Variants in UPF2 observed in about 807,000 individuals in gnomAD.
UPF2 encodes UPF2 regulator of nonsense mediated mRNA decay, also known as regulator of nonsense transcripts 2.
A neutral mutation model predicts 141.4 loss-of-function variants in UPF2; 17 were observed. The ratio of observed to expected loss-of-function variants is 0.12; its 90% CI spans 0.08 to 0.18. The LOEUF (loss-of-function observed/expected upper bound fraction) is 0.18, where lower values mean the gene tolerates loss of function less well. UPF2 is among the 10% of genes least tolerant of loss of function. The pLI is 1.00. For missense variants in UPF2, 1,152 were observed against 1,515.9 expected, an observed-to-expected ratio of 0.76 and a Z score of 3.99; for synonymous variants, 540 against 498.0, an observed-to-expected ratio of 1.08 and a Z score of -1.12.
chr10:12,020,817 A>G (rs1257429644), intron 3 of UPF2, among the ~76,000 whole-genome samples: 1 of 152,226 alleles, frequency 6.6e-6, no homozygotes, highest in Admixed American at 6.5e-5. Context: ...TGTGCAAATG[A>G]CAGTGCTCTA....
At chr10:11,954,843 T>C (rs1056549133) in intron 14 of UPF2, among the ~76,000 whole-genome samples, 1 of 148,550 alleles carries the variant, frequency 6.7e-6, no homozygotes, top group Non-Finnish European at 1.5e-5. Context: ...GAAACAAGAA[T>C]TTGAGATGTA....
At chr10:11,969,571 TACTC>T (rs2131211049) in intron 9 of UPF2, among the ~76,000 whole-genome samples, 1 of 152,356 alleles carries the variant, frequency 6.6e-6, no homozygotes, top group South Asian at 2.1e-4. Context: ...AACAAAATGA[TACTC>T]AATAAACTTG....
chr10:12,013,437 C>G (rs1419553715), intron 4 of UPF2, among the ~76,000 whole-genome samples: 8 of 151,834 alleles, frequency 5.3e-5, no homozygotes, highest in Non-Finnish European at 1.0e-4. Context: ...CCACCACACC[C>G]AGCTAATTTT....
chr10:11,972,335 T>C (rs935781601), intron 9 of UPF2, among the ~76,000 whole-genome samples: 2 of 152,214 alleles, frequency 1.3e-5, no homozygotes, highest in African/African-American at 2.4e-5. Context: ...ATAAAATCAG[T>C]ACTGACTCTA....
At chr10:12,031,222 TTC>T (rs1396602222) in intron 2 of UPF2, among the ~76,000 whole-genome samples, 1 of 151,986 alleles carries the variant, frequency 6.6e-6, no homozygotes, top group Non-Finnish European at 1.5e-5. Flanking sequence ...GATATTGTTT[TTC>T]CATCCTCAGC....
At position 11,956,046 on chromosome 10, in the gene UPF2, T is replaced by C. The variant is rs565683014; in HGVS notation, c.2574+274A>G. On this transcript the variant is annotated intron_variant, in intron 13 of 21. Transcript: ENST00000357604. This position sits in a 1 kb window ranked among gnomAD's most constrained non-coding sequence, Gnocchi z 4.2. ...GTAGTAGTCCCAGCTACTCGGGAAG[T>C]TGAAACAGGAGAATTGCTTGAACCC... Among the ~76,000 whole-genome samples, 1 of 151,790 alleles carries C rather than the reference T, an allele frequency of 6.6e-6. No individual in the cohort carries two copies. Among genetic ancestry groups the C allele is most frequent in the East Asian group, 1.9e-4 (1 of 5,148 alleles).
rs746024154 is a variant in UPF2, at chr10:11,955,318, C to T, written c.2764G>A (p.Val922Ile). The T allele has an allele frequency of 2.2e-5, 35 of 1,614,010 alleles. No individual in the cohort carries two copies. Among genetic ancestry groups the T allele is most frequent in the Admixed American group, 1.7e-4 (10 of 60,000 alleles). The stretch of plus-strand genomic sequence containing the variant: ...CCACATGTGTCCAGAATAGTGCATA[C>T]GAGTCTAATTCTGAAAAGATGCTCA... ...PPEHLFRIRL[V>I]CTILDTCGQY... The change falls in exon 14 of 22, where the codon GTA becomes ATA. Residue 922 changes from valine (V) to isoleucine (I), a missense_variant. Coordinates refer to ENST00000357604, the MANE Select transcript of UPF2 (RefSeq NM_015542.4).
chr10:11,927,117 G>A (rs1400655773), intron 21 of UPF2, among the ~76,000 whole-genome samples: 2 of 152,186 alleles, frequency 1.3e-5, no homozygotes, highest in Non-Finnish European at 2.9e-5. Flanking sequence ...TGCAGGTAAA[G>A]ACCCTGTCTT....
At chr10:12,029,652 C>A in intron 2 of UPF2, 128 bp from the exon 3 acceptor site, 1 of 1,057,930 alleles carries the variant, frequency 9.5e-7, no homozygotes. Context: ...TTCAAAAGGC[C>A]TTTCACTACT....
intron 16 of UPF2, among the ~76,000 whole-genome samples, chr10:11,947,893 T>G (rs1233653453): frequency 6.6e-6 from 1 of 151,838 alleles, no homozygotes; most frequent in South Asian, 2.1e-4. Context: ...CTTTAAAAAC[T>G]TTTAATTAAA....
intron 1 of UPF2, among the ~76,000 whole-genome samples, chr10:12,040,068 T>C (rs933333670): frequency 6.6e-6 from 1 of 152,246 alleles, no homozygotes; most frequent in Non-Finnish European, 1.5e-5. Flanking sequence ...ATAAGATTCA[T>C]GTCTTCATTA....
At chr10:11,977,841 C>T (rs961080385) in intron 9 of UPF2, among the ~76,000 whole-genome samples, 10 of 152,156 alleles carry the variant, frequency 6.6e-5, no homozygotes, top group Non-Finnish European at 1.2e-4. Context: ...CAAAACAAAA[C>T]CACTTAACTT....
chr10:11,999,305 A>G (rs1193054932), intron 7 of UPF2, among the ~76,000 whole-genome samples: 3 of 152,062 alleles, frequency 2.0e-5, no homozygotes, highest in African/African-American at 4.8e-5. Context: ...CAAGGTCAGG[A>G]GTTCGAGACC....
chr10:12,034,405 C>A (rs914799137), intron 2 of UPF2, among the ~76,000 whole-genome samples: 3 of 152,010 alleles, frequency 2.0e-5, no homozygotes, highest in African/African-American at 7.3e-5. Context: ...TCACTGCAAC[C>A]TCCACCTGCT....
chr10:12,002,945 T>G (rs1191251610), intron 5 of UPF2, among the ~76,000 whole-genome samples: 2 of 152,242 alleles, frequency 1.3e-5, no homozygotes, highest in African/African-American at 4.8e-5. Flanking sequence ...TCATCTCTTA[T>G]AGTCTCTAAT....
At chr10:12,008,629 C>CA (rs60750390) in intron 4 of UPF2, among the ~76,000 whole-genome samples, 1,064 of 74,940 alleles carry the variant, frequency 0.014, 13 homozygotes, top group African/African-American at 0.03. Context: ...GACACCACCT[C>CA]AAAAAAAAAA....
intron 8 of UPF2, among the ~76,000 whole-genome samples, chr10:11,991,227 G>A (rs565291892): frequency 2.6e-5 from 4 of 152,028 alleles, no homozygotes; most frequent in African/African-American, 9.6e-5. Context: ...ATTTTTTAAA[G>A]AACTGAATGA....
chr10:11,996,839 T>C (rs940869045), intron 8 of UPF2, among the ~76,000 whole-genome samples: 4 of 152,202 alleles, frequency 2.6e-5, no homozygotes. Context: ...TGAGAAATCT[T>C]ACCATTATCA....
intron 8 of UPF2, among the ~76,000 whole-genome samples, chr10:11,989,376 C>T (rs1393517486): frequency 1.3e-5 from 2 of 152,260 alleles, no homozygotes; most frequent in Non-Finnish European, 2.9e-5. Flanking sequence ...CCTAGCTACT[C>T]AGGAGACAGA....
Sources: allele counts gnomAD v4.1 joint callset (sites outside exome capture counted in the v4.1 genomes callset), GRCh38; gene constraint gnomAD v4.1.1; non-coding constraint Gnocchi (gnomAD v3.1); transcripts MANE v1.5; gene names NCBI Gene and HGNC (gene_info 2026-07-23, HGNC 2026-07-21).